Variants in PCDH8 observed in about 807,000 individuals in gnomAD.
The protein encoded by PCDH8 is protocadherin-8.
Under a neutral mutation model 58.2 loss-of-function variants are expected in PCDH8, and 36 were observed. That is an observed-to-expected ratio of 0.62 (90% CI 0.47 to 0.82). The LOEUF (loss-of-function observed/expected upper bound fraction) is 0.82. PCDH8 is among the 40% of genes least tolerant of loss of function. The pLI, the probability that PCDH8 is intolerant of heterozygous loss-of-function variation, is 0.00. For missense variants in PCDH8, 1,493 were observed against 1,567.8 expected, an observed-to-expected ratio of 0.95 and a Z score of 0.81; for synonymous variants, 775 against 728.9, an observed-to-expected ratio of 1.06 and a Z score of -1.02.
chr13:52,847,807 G>A lies in PCDH8; in HGVS notation c.630C>T (p.Ala210=), dbSNP rs763215912. 1 of 1,484,690 alleles carries A rather than the reference G, an allele frequency of 6.7e-7. No homozygotes were observed. The highest frequency in any genetic ancestry group is 1.4e-5 in the African/African-American group (1 of 70,490). The allele number at this position is 1,484,690 out of a possible 1,614,324, so 92.0% of individuals were successfully genotyped here. The change falls in exon 1 of 3, where the codon GCC becomes GCT. Residue 210 remains alanine, a synonymous_variant. Transcript: ENST00000377942. ...CCTGGGCCACCAGCTCCAGGCTGTA[G>A]GCGGCCTGGCTCTCGCGGTCCAGCT... is the stretch of plus-strand genomic sequence containing the variant. ...LQELDRESQA[A]YSLELVAQDG...
rs754240295 is a variant in PCDH8, at chr13:52,846,550, C to A, written c.1887G>T (p.Lys629Asn). 8.0e-5 allele frequency: 128 copies of A among 1,601,778 alleles called. No homozygotes were observed. Among genetic ancestry groups the A allele is most frequent in the Non-Finnish European group, 1.1e-4 (124 of 1,178,850 alleles). ...CCTGCACACGGGCCACAACCGTGTC[C>A]TTTGCGGTGCGCCCAGGCACCGCCA... ...LEVAVPGRTAKDTVVARVQAR... is the reference protein window; with the variant it reads ...LEVAVPGRTANDTVVARVQAR... Residue 629 changes from lysine to asparagine, a missense_variant, in exon 1 of 3, where the codon AAG (lysine) becomes AAT (asparagine). By Grantham distance (94) the Lys-to-Asn change is moderately conservative (BLOSUM62 0). This residue lies in a region of PCDH8 where 1,307 missense variants were observed against 1,362.7 expected (regional missense o/e 0.96). Transcript: ENST00000377942.
Position 52,846,447 on chromosome 13 carries a change from T to C in PCDH8, c.1990A>G (p.Ile664Val), listed in dbSNP as rs762942523. ...AGTATCTCCCCCGTGCGGCGGCCGA[T>C]GGCGAAGGCTTCGCGCGGCTCCTGC... ...QQQEPREAFA[I>V]GRRTGEILLT... The change falls in exon 1 of 3, where the codon ATC becomes GTC. Residue 664 changes from isoleucine (I) to valine (V), a missense_variant. Ile to Val is a conservative substitution (Grantham distance 29). Coordinates refer to ENST00000377942, the MANE Select transcript of PCDH8 (RefSeq NM_002590.4). The C allele has an allele frequency of 2.5e-6, 4 of 1,599,482 alleles. No homozygotes were observed. Among genetic ancestry groups the C allele is most frequent in the East Asian group, 2.2e-5 (1 of 44,798 alleles).
rs768224218 is a variant in PCDH8 at position 52,846,043 on chromosome 13, T to C, written c.2394A>G (p.Gly798=). The C allele has an allele frequency of 6.7e-7, 1 of 1,502,044 alleles. No individual in the cohort carries two copies. The highest frequency in any genetic ancestry group is 1.3e-5 in the South Asian group (1 of 76,754). 93.0% of individuals were successfully genotyped at this position (1,502,044 alleles called of 1,614,324 possible). A position where few individuals can be genotyped will look rare whatever the true frequency, so the allele number is the denominator to read the frequency against. ...CCTCCGGGGAGCCGGGAGCCGAGGCTCCGCCGCCCGCCGCCCCGGGCCGCT... is the reference window on the plus strand; with the variant it reads ...CCTCCGGGGAGCCGGGAGCCGAGGCCCCGCCGCCCGCCGCCCCGGGCCGCT... The part of the protein sequence containing the change: ...REERPGAAGG[G]ASAPGSPEEA... The change falls in exon 1 of 3, where the codon GGA becomes GGG. Residue 798 remains glycine (G), a synonymous_variant. Coordinates refer to ENST00000377942, the MANE Select transcript of PCDH8 (RefSeq NM_002590.4).
rs200879585 is a variant in PCDH8 at position 52,845,639 on chromosome 13, C to T, written c.2632-7G>A. The T allele has an allele frequency of 1.1e-4, 175 of 1,613,594 alleles. No individual in the cohort carries two copies. Among genetic ancestry groups the T allele is most frequent in the Admixed American group, 7.0e-4 (42 of 60,014 alleles). ...CCGGGGAGGCACCGTAGGGCTGCAG[C>T]AGGGAATAGGGGAATGGGAGTGGGG... On this transcript the variant is annotated splice_region_variant and splice_polypyrimidine_tract_variant and intron_variant, in intron 1 of 2. Coordinates refer to ENST00000377942, the MANE Select transcript of PCDH8 (RefSeq NM_002590.4).
In PCDH8 at chr13:52,844,836, G is replaced by A. The variant is rs745572281; in HGVS notation, c.2937C>T (p.His979=). ...AGAAGGTTGACATCTGGGCTGGTGG[G>A]TGAGGCGATGGATGTGCGTTGGGCC... The part of the protein sequence containing the change: ...CSGPNAHPSP[H]PPAQMSTFCK... The change falls in exon 3 of 3, where the codon CAC becomes CAT. Residue 979 remains histidine, a synonymous_variant. Coordinates refer to ENST00000377942, the MANE Select transcript of PCDH8 (RefSeq NM_002590.4). 1.9e-6 allele frequency: 3 copies of A among 1,611,048 alleles called. No homozygotes were observed. Among genetic ancestry groups the A allele is most frequent in the Non-Finnish European group, 2.5e-6 (3 of 1,178,612 alleles).
rs1199094069 is a variant in PCDH8, at chr13:52,846,327, CGGT to C, written c.2107_2109del (p.Thr703del). On this transcript the variant is annotated inframe_deletion, in exon 1 of 3. Coordinates refer to ENST00000377942, the MANE Select transcript of PCDH8 (RefSeq NM_002590.4). ...GCTGTTACCACGAAGCTGACAGTTGCGGTGGTGGTGAGCGGGGGACGGCCGCCG... is the reference window on the plus strand; with the variant it reads ...GCTGTTACCACGAAGCTGACAGTTGCGGTGGTGAGCGGGGGACGGCCGCCG... 2 of 1,567,834 alleles carry C rather than the reference CGGT, an allele frequency of 1.3e-6. No homozygotes were observed. The highest frequency in any genetic ancestry group is 1.7e-6 in the Non-Finnish European group (2 of 1,158,414).
rs757802497 is a variant in PCDH8, at chr13:52,846,571, C to A, written c.1866G>T (p.Ala622=). Reference sequence around the variant, plus strand: ...TGTCCTTTGCGGTGCGCCCAGGCACCGCCACTTCTAGGGAGCCATTGGCTG... The same window carrying A: ...TGTCCTTTGCGGTGCGCCCAGGCACAGCCACTTCTAGGGAGCCATTGGCTG... ...PAPANGSLEV[A]VPGRTAKDTV... The change falls in exon 1 of 3, where the codon GCG becomes GCT. Residue 622 remains alanine (A), a synonymous_variant. Coordinates refer to ENST00000377942, the MANE Select transcript of PCDH8 (RefSeq NM_002590.4). 152 of 1,604,956 alleles carry A rather than the reference C, an allele frequency of 9.5e-5. No homozygotes were observed. The highest frequency in any genetic ancestry group is 1.2e-4 in the Non-Finnish European group (142 of 1,179,334).
chr13:52,847,145 A>C lies in PCDH8; in HGVS notation c.1292T>G (p.Leu431Arg). The change falls in exon 1 of 3, where the codon CTC becomes CGC. Residue 431 changes from leucine (L) to arginine (R), a missense_variant. Leu to Arg is a moderately radical substitution (Grantham distance 102, BLOSUM62 -2). This residue lies in a region of PCDH8 where 1,307 missense variants were observed against 1,362.7 expected (regional missense o/e 0.96). Coordinates refer to ENST00000377942, the MANE Select transcript of PCDH8 (RefSeq NM_002590.4). Reference protein sequence around the residue: ...SGANGQVRCALYGHEHFRLQP... With the variant: ...SGANGQVRCARYGHEHFRLQP... ...CAGCCGGAAGTGCTCGTGCCCATAGAGGGCGCAGCGCACTTGCCCGTTGGC... is the reference window on the plus strand; with the variant it reads ...CAGCCGGAAGTGCTCGTGCCCATAGCGGGCGCAGCGCACTTGCCCGTTGGC... The C allele has an allele frequency of 6.5e-7, 1 of 1,533,840 alleles. No homozygotes were observed. The highest frequency in any genetic ancestry group is 1.7e-4 in the Middle Eastern group (1 of 5,738).
At position 52,846,681 on chromosome 13, in the gene PCDH8, A is replaced by G. The variant is rs1168222952; in HGVS notation, c.1756T>C (p.Ser586Pro). ...DVRIQASDGG[S>P]PQLSSSALVQ... ...AGGGCGCTGCTGGAAAGCTGAGGGG[A>G]GCCGCCGTCGCTAGCTTGGATGCGA... Residue 586 changes from serine (S) to proline (P), a missense_variant, in exon 1 of 3, where the codon TCC (serine) becomes CCC (proline). By Grantham distance (74) the Ser-to-Pro change is moderately conservative. Coordinates refer to ENST00000377942, the MANE Select transcript of PCDH8 (RefSeq NM_002590.4). 1.3e-6 allele frequency: 2 copies of G among 1,599,806 alleles called. No individual in the cohort carries two copies. The highest frequency in any genetic ancestry group is 2.2e-5 in the South Asian group (2 of 89,754).
At position 52,844,587 on chromosome 13, in the gene PCDH8, C is replaced by T. The variant is rs199906293; in HGVS notation, c.3186G>A (p.Pro1062=). 15 of 1,599,726 alleles carry T rather than the reference C, an allele frequency of 9.4e-6. No homozygotes were observed. The African/African-American group carries it at 1.3e-4, about 14-fold the overall frequency. ...ACACATTTTCATTGGCTCCCTTCTT[C>T]GGGGACAGGTACCTGCCAGGAGGGG... ...YQSPPGRYLS[P]KKGANENV is the part of the protein sequence containing the mutation. Residue 1062 remains proline (P), a synonymous_variant, in exon 3 of 3, where the codon CCG becomes CCA. Coordinates refer to ENST00000377942, the MANE Select transcript of PCDH8 (RefSeq NM_002590.4).
In PCDH8 at chr13:52,845,594, C is replaced by A. The variant is rs1167835822; in HGVS notation, c.2670G>T (p.Ala890=). The A allele has an allele frequency of 1.2e-6, 2 of 1,614,060 alleles. No homozygotes were observed. The highest frequency in any genetic ancestry group is 1.7e-6 in the Non-Finnish European group (2 of 1,180,022). ...GASPGFGKEP[A]PPVAVWKGHS... is the part of the protein sequence containing the mutation. Reference sequence around the variant, plus strand: ...GTCCTTTCCACACCGCCACAGGGGGCGCCGGCTCCTTTCCAAAACCCGGGG... The same window carrying A: ...GTCCTTTCCACACCGCCACAGGGGGAGCCGGCTCCTTTCCAAAACCCGGGG... The change falls in exon 2 of 3, where the codon GCG becomes GCT. Residue 890 remains alanine, a synonymous_variant. Coordinates refer to ENST00000377942, the MANE Select transcript of PCDH8 (RefSeq NM_002590.4).
Position 52,844,760 on chromosome 13 carries a change from G to C in PCDH8, c.3013C>G (p.Gln1005Glu). The C allele has an allele frequency of 6.2e-7, 1 of 1,613,356 alleles. No homozygotes were observed. The highest frequency in any genetic ancestry group is 8.5e-7 in the Non-Finnish European group (1 of 1,179,604). ...RDPLRRDNYY[Q>E]AQLPKTVGLQ... ...CCCACTGTCTTGGGCAGCTGGGCCT[G>C]GTAGTAATTGTCCCTGCGCAGAGGA... is the stretch of plus-strand genomic sequence containing the variant. Residue 1005 changes from glutamine to glutamate, a missense_variant, in exon 3 of 3, where the codon CAG becomes GAG. By Grantham distance (29) the Gln-to-Glu change is conservative. Coordinates refer to ENST00000377942, the MANE Select transcript of PCDH8 (RefSeq NM_002590.4).
chr13:52,845,860 C>T lies in PCDH8; in HGVS notation c.2577G>A (p.Gly859=). The T allele has an allele frequency of 6.6e-7, 1 of 1,514,190 alleles. No individual in the cohort carries two copies. The highest frequency in any genetic ancestry group is 8.8e-7 in the Non-Finnish European group (1 of 1,139,206). 93.8% of individuals were successfully genotyped at this position (1,514,190 alleles called of 1,614,324 possible). Residue 859 remains glycine, a synonymous_variant, in exon 1 of 3, where the codon GGG becomes GGA. Transcript: ENST00000377942. Reference sequence around the variant, plus strand: ...GCCCCTCGAAGTGACAGGCGCTTTCCCCAGTGGCGCTGCCGCCCTCTGAGC... The same window carrying T: ...GCCCCTCGAAGTGACAGGCGCTTTCTCCAGTGGCGCTGCCGCCCTCTGAGC... ...VPGSEGGSAT[G]ESACHFEGQQ...
Position 52,844,810 on chromosome 13 carries a change from CAGA to C in PCDH8, c.2960_2962del (p.Phe987del). On this transcript the variant is annotated inframe_deletion, in exon 3 of 3. Coordinates refer to ENST00000377942, the MANE Select transcript of PCDH8 (RefSeq NM_002590.4). ...ATCCCGAGGCAGTGACGTGCTCTTA[CAGA>C]AGGTTGACATCTGGGCTGGTGGGTG... The C allele has an allele frequency of 6.2e-7, 1 of 1,612,978 alleles. No individual in the cohort carries two copies. Among genetic ancestry groups the C allele is most frequent in the Non-Finnish European group, 8.5e-7 (1 of 1,179,472 alleles).
In PCDH8 at chr13:52,846,836, T is replaced by C; in HGVS notation, c.1601A>G (p.Tyr534Cys). The C allele has an allele frequency of 6.5e-7, 1 of 1,548,740 alleles. No homozygotes were observed. The highest frequency in any genetic ancestry group is 8.7e-7 in the Non-Finnish European group (1 of 1,153,328). The change falls in exon 1 of 3, where the codon TAC becomes TGC. Residue 534 changes from tyrosine (Y) to cysteine (C), a missense_variant. Coordinates refer to ENST00000377942, the MANE Select transcript of PCDH8 (RefSeq NM_002590.4). ...GCCCACCTCGGCCTCCAGCAGCCGG[T>C]AGGTGACCTGGCCGTTGCGGCCCAG... Reference protein sequence around the residue: ...RDLGRNGQVTYRLLEAEVGRA... With the variant: ...RDLGRNGQVTCRLLEAEVGRA...
rs771500105 is a variant in PCDH8 at position 52,847,748 on chromosome 13, G to T, written c.689C>A (p.Ala230Asp). Residue 230 changes from alanine (A) to aspartate (D), a missense_variant, in exon 1 of 3, where the codon GCC becomes GAC. Around this residue, in one of 3 missense-constraint regions of PCDH8, gnomAD observed 1,307 missense variants for 1,362.7 expected, o/e 0.96. Coordinates refer to ENST00000377942, the MANE Select transcript of PCDH8 (RefSeq NM_002590.4). ...CGCATCCAGGACGCGCACGCTGAGG[G>T]CAGCCGTGGCGGAGCGCGGCGGGCG... ...GGRPPRSATA[A>D]LSVRVLDAND... The T allele has an allele frequency of 6.8e-7, 1 of 1,480,180 alleles. No individual in the cohort carries two copies. The highest frequency in any genetic ancestry group is 8.9e-7 in the Non-Finnish European group (1 of 1,124,388). 91.7% of individuals were successfully genotyped at this position (1,480,180 alleles called of 1,614,324 possible). A position where few individuals can be genotyped will look rare whatever the true frequency, so the allele number is the denominator to read the frequency against.
rs1303005654 is a variant in PCDH8 at position 52,847,663 on chromosome 13, G to C, written c.774C>G (p.Asp258Glu). ...GAVAEVELAEDAPVGSLLLDL... is the reference protein window; with the variant it reads ...GAVAEVELAEEAPVGSLLLDL... ...CGAGAAGCAGGGAGCCCACGGGCGC[G>C]TCTTCCGCCAGCTCCACTTCGGCCA... The change falls in exon 1 of 3, where the codon GAC becomes GAG. Residue 258 changes from aspartate (D) to glutamate (E), a missense_variant. Asp to Glu is a conservative substitution (Grantham distance 45). Transcript: ENST00000377942. 6 of 1,568,706 alleles carry C rather than the reference G, an allele frequency of 3.8e-6. No homozygotes were observed. Among genetic ancestry groups the C allele is most frequent in the Non-Finnish European group, 5.1e-6 (6 of 1,166,924 alleles).
rs1965752439 is a variant in PCDH8, at chr13:52,847,094, A to G, written c.1343T>C (p.Leu448Pro). 1 of 1,567,104 alleles carries G rather than the reference A, an allele frequency of 6.4e-7. No individual in the cohort carries two copies. Among genetic ancestry groups the G allele is most frequent in the African/African-American group, 1.4e-5 (1 of 71,628 alleles). Reference sequence around the variant, plus strand: ...GTCCAGCGACGCCGCGGTCACCACCAGGTAGCTGCCCGCGTAGGCCGGCTG... The same window carrying G: ...GTCCAGCGACGCCGCGGTCACCACCGGGTAGCTGCCCGCGTAGGCCGGCTG... ...RLQPAYAGSY[L>P]VVTAASLDRE... The change falls in exon 1 of 3, where the codon CTG becomes CCG. Residue 448 changes from leucine to proline, a missense_variant. Physicochemically the swap from Leu to Pro is moderately conservative, Grantham distance 98. Coordinates refer to ENST00000377942, the MANE Select transcript of PCDH8 (RefSeq NM_002590.4).
intron 2 of PCDH8, 129 bp from the exon 3 acceptor site, chr13:52,845,062 A>G: frequency 1.0e-6 from 1 of 988,576 alleles, no homozygotes; most frequent in Non-Finnish European, 1.5e-6. Flanking sequence ...ATAGATATAC[A>G]CCGTGTCTCA....
Sources: gnomAD v4.1 joint callset for allele counts on GRCh38, gnomAD v4.1.1 for gene constraint, gnomAD v4.1.1 regional missense constraint, MANE v1.5 for transcripts, NCBI Gene and HGNC (gene_info 2026-07-23, HGNC 2026-07-21) for gene names.